Variants in STRADB observed in about 807,000 individuals in gnomAD.
STRADB encodes the protein STE20 related adaptor beta.
STRADB carries 34 observed loss-of-function variants against 52.1 expected under a neutral mutation model. The observed-to-expected ratio is 0.65, with a 90% confidence interval of 0.50 to 0.87. The LOEUF is 0.87. Ranked by LOEUF, STRADB falls within the 40% of genes least tolerant of loss-of-function variation. STRADB has a pLI of 0.00. For synonymous variants in STRADB, 133 were observed against 174.5 expected, an observed-to-expected ratio of 0.76 and a Z score of 1.87; for missense variants, 340 against 483.9, an observed-to-expected ratio of 0.70 and a Z score of 2.79.
chr2:201,454,294 G>A (rs1952095350), intron 1 of STRADB, among the ~76,000 whole-genome samples: 1 of 152,150 alleles, frequency 6.6e-6, no homozygotes, highest in Non-Finnish European at 1.5e-5. Flanking sequence ...AAAGGGCTTT[G>A]GAAAGTCTCA....
intron 3 of STRADB, among the ~76,000 whole-genome samples, 153 bp downstream of exon 3, chr2:201,459,017 A>G (rs1025380845): frequency 1.3e-4 from 20 of 152,156 alleles, no homozygotes; most frequent in East Asian, 1.9e-4. Context: ...GTTGAGTACA[A>G]TGAATGCTCT....
At chr2:201,456,168 T>C (rs1188749764) in intron 2 of STRADB, among the ~76,000 whole-genome samples, 2 of 152,232 alleles carry the variant, frequency 1.3e-5, no homozygotes, top group Non-Finnish European at 2.9e-5. Context: ...ATAGGCAATA[T>C]ATAAATGAAT....
intron 3 of STRADB, among the ~76,000 whole-genome samples, chr2:201,468,085 CTTTT>C (rs536551120): frequency 1.4e-5 from 1 of 71,032 alleles, no homozygotes; most frequent in South Asian, 4.4e-4. Context: ...TTTTTTTTTT[CTTTT>C]TTTTTTTTTT....
chr2:201,478,246 C>G, intron 9 of STRADB, 55 bp downstream of exon 9: 1 of 1,589,836 alleles, frequency 6.3e-7, no homozygotes, highest in Non-Finnish European at 8.6e-7. Flanking sequence ...TGCTTACATT[C>G]TAGATAATTT....
chr2:201,458,932 C>A, intron 3 of STRADB, 68 bp downstream of exon 3: 1 of 1,387,256 alleles, frequency 7.2e-7, no homozygotes, highest in African/African-American at 1.4e-5. Flanking sequence ...GAGGCCAAGG[C>A]AGGAGAATCA....
chr2:201,468,491 A>G (rs2125678264), intron 3 of STRADB, among the ~76,000 whole-genome samples: 1 of 152,294 alleles, frequency 6.6e-6, no homozygotes, highest in African/African-American at 2.4e-5. Flanking sequence ...GAGTTCTATC[A>G]TAGTTGCAAA....
At chr2:201,462,555 T>C (rs1218937417) in intron 3 of STRADB, among the ~76,000 whole-genome samples, 1 of 152,172 alleles carries the variant, frequency 6.6e-6, no homozygotes, top group Non-Finnish European at 1.5e-5. Context: ...GTGTATGTGT[T>C]GTAGATTTTA....
chr2:201,472,906 G>GTTT, intron 4 of STRADB, 49 bp from the exon 5 acceptor site: 4 of 1,527,010 alleles, frequency 2.6e-6, no homozygotes, highest in Non-Finnish European at 2.6e-6. Flanking sequence ...TAAATTGTCA[G>GTTT]TTTTTTTTCT....
chr2:201,480,639 T>C lies in STRADB; in HGVS notation c.*464T>C. 1 of 988,732 alleles carries C rather than the reference T, an allele frequency of 1.0e-6. No homozygotes were observed. The allele number at this position is 988,732 out of a possible 1,614,324, so 61.2% of individuals were successfully genotyped here. ...CCTTTTCTGGTAGAGGGAAAATGTT[T>C]GTGCTTTCCCTTTTTCTTCTGTTAA... is the stretch of plus-strand genomic sequence containing the variant. On this transcript the variant is annotated 3_prime_UTR_variant, in exon 12 of 12. Transcript: ENST00000194530.
At chr2:201,479,430 C>G in intron 10 of STRADB, 59 bp from the exon 11 acceptor site, 2 of 1,468,620 alleles carry the variant, frequency 1.4e-6, no homozygotes, top group Non-Finnish European at 1.9e-6. Flanking sequence ...TATTTTTACA[C>G]CTGAAATCTA....
intron 3 of STRADB, 25 bp from the exon 4 acceptor site, chr2:201,469,928 T>A (rs755975445): frequency 1.3e-6 from 2 of 1,584,520 alleles, no homozygotes; most frequent in South Asian, 2.2e-5. Context: ...ATCTATTTTG[T>A]TTTTATCTTT....
intron 2 of STRADB, 83 bp from the exon 3 acceptor site, chr2:201,458,701 A>T: frequency 2.4e-6 from 3 of 1,258,874 alleles, no homozygotes; most frequent in Non-Finnish European, 3.4e-6. Flanking sequence ...CACTGTAGTC[A>T]TTAGACCTTT....
At chr2:201,479,894 C>T in intron 11 of STRADB, 138 bp from the exon 12 acceptor site, 1 of 1,032,842 alleles carries the variant, frequency 9.7e-7, no homozygotes, top group Non-Finnish European at 1.4e-6. Context: ...TGACCAGAAT[C>T]AAAGGCAGTT....
At chr2:201,457,538 A>G (rs754857005) in intron 2 of STRADB, 20 of 152,244 alleles carry the variant, frequency 1.3e-4, no homozygotes, top group Non-Finnish European at 2.5e-4. Context: ...TCAAGTTAAA[A>G]TAATCAGTAA....
At chr2:201,452,950 T>A (rs1190111357) in intron 1 of STRADB, among the ~76,000 whole-genome samples, 1 of 152,234 alleles carries the variant, frequency 6.6e-6, no homozygotes. Context: ...TATAAGTCTC[T>A]TAAATATGAC....
At chr2:201,459,506 G>A (rs1426954905) in intron 3 of STRADB, among the ~76,000 whole-genome samples, 1 of 152,008 alleles carries the variant, frequency 6.6e-6, no homozygotes, top group Non-Finnish European at 1.5e-5. Context: ...ATCCTCACAC[G>A]GCCTCTACCT....
intron 7 of STRADB, among the ~76,000 whole-genome samples, chr2:201,476,135 G>T (rs1952467727): frequency 6.6e-6 from 1 of 152,146 alleles, no homozygotes; most frequent in Non-Finnish European, 1.5e-5. Flanking sequence ...GCATAAATTG[G>T]AATTAAACTT....
At chr2:201,477,056 T>TTG (rs1952486845) in intron 7 of STRADB, among the ~76,000 whole-genome samples, 1 of 92,862 alleles carries the variant, frequency 1.1e-5, no homozygotes, top group African/African-American at 4.1e-5. Context: ...TTATCAGTTT[T>TTG]TTTTTTTTTT....
intron 3 of STRADB, among the ~76,000 whole-genome samples, chr2:201,462,487 G>C (rs995956414): frequency 1.8e-4 from 28 of 151,804 alleles, no homozygotes; most frequent in African/African-American, 4.1e-4. Context: ...CTTCTTTTTT[G>C]TGAAGTTTAT....
Sources: gnomAD v4.1 joint callset for allele counts (sites outside exome capture counted in the v4.1 genomes callset) on GRCh38, gnomAD v4.1.1 for gene constraint, MANE v1.5 for transcripts, NCBI Gene and HGNC (gene_info 2026-07-23, HGNC 2026-07-21) for gene names.